ARHGEF4: variants seen among roughly 807,000 people sequenced by gnomAD.
ARHGEF4 encodes the protein APC-stimulated guanine nucleotide exchange factor 1.
Under a neutral mutation model 162.0 loss-of-function variants are expected in ARHGEF4, and 119 were observed. The observed-to-expected ratio is 0.73, with a 90% CI of 0.63 to 0.86. The LOEUF is 0.86. Among genes scored for constraint, ARHGEF4 ranks in the 40% least tolerant of loss-of-function variants. ARHGEF4 has a pLI of 0.00. For missense variants in ARHGEF4, 2,488 were observed against 2,456.0 expected (o/e 1.01, Z -0.28); for synonymous variants, 1,014 against 979.9 (o/e 1.03, Z -0.65).
At chr2:130,957,206 C>A (rs112789832) in intron 4 of ARHGEF4, among the ~76,000 whole-genome samples, 8,462 of 150,676 alleles carry the variant, frequency 0.056, 362 homozygotes, top group Non-Finnish European at 0.081. Flanking sequence ...TTCACAAACT[C>A]TTCCAAAAAG....
At chr2:130,968,221 G>A (rs1338076716) in intron 4 of ARHGEF4, among the ~76,000 whole-genome samples, 6 of 152,200 alleles carry the variant, frequency 3.9e-5, no homozygotes, top group Non-Finnish European at 7.3e-5. Context: ...GATCTTGTAG[G>A]AGCCGGTCAA....
chr2:131,042,049 G>A lies in ARHGEF4; in HGVS notation c.5025+105G>A, dbSNP rs547101355. 23 of 1,428,800 alleles carry A rather than the reference G, an allele frequency of 1.6e-5. No homozygotes were observed. In the East Asian group the frequency reaches 2.0e-4, roughly 12 times the overall value. 88.5% of individuals were successfully genotyped at this position (1,428,800 alleles called of 1,614,324 possible). The stretch of plus-strand genomic sequence containing the variant: ...GAAGGGAGCTGAAGCAGGGAGCTGC[G>A]CTCCTGGGAGCTAGCAACAGATGCT... On this transcript the variant is annotated intron_variant, in intron 10 of 13. Transcript: ENST00000409359.
intron 4 of ARHGEF4, chr2:130,964,104 T>C (rs1684824960): frequency 1.1e-6 from 1 of 921,606 alleles, no homozygotes; most frequent in African/African-American, 1.8e-5. Flanking sequence ...ATCTCGGCAC[T>C]AGCAGCAGCA....
chr2:130,961,658 A>G (rs1448370186), intron 4 of ARHGEF4, among the ~76,000 whole-genome samples: 1 of 152,194 alleles, frequency 6.6e-6, no homozygotes, highest in Non-Finnish European at 1.5e-5. Flanking sequence ...TCAGTGGGTG[A>G]CACTGACGCT....
chr2:130,842,776 G>A (rs892138444), intron 1 of ARHGEF4, among the ~76,000 whole-genome samples: 4 of 152,242 alleles, frequency 2.6e-5, no homozygotes, highest in Admixed American at 6.5e-5. Flanking sequence ...TCTCTTACCC[G>A]CAGGGATCCT....
intron 4 of ARHGEF4, among the ~76,000 whole-genome samples, chr2:130,996,578 A>G (rs1251029960): frequency 6.6e-6 from 1 of 152,198 alleles, no homozygotes; most frequent in African/African-American, 2.4e-5. Flanking sequence ...TCAACTGTCT[A>G]CTGGCACAAT....
intron 4 of ARHGEF4, among the ~76,000 whole-genome samples, chr2:130,976,271 G>T (rs753385681): frequency 6.6e-6 from 1 of 152,070 alleles, no homozygotes; most frequent in Non-Finnish European, 1.5e-5. Context: ...GTTAAACATC[G>T]CAGAGCCTAG....
At chr2:130,926,810 A>ATT (rs55904944) in intron 2 of ARHGEF4, among the ~76,000 whole-genome samples, 3,026 of 48,518 alleles carry the variant, frequency 0.062, 784 homozygotes, top group Non-Finnish European at 0.079. Context: ...CTTCTGGCTG[A>ATT]TTTTTTTTTT....
chr2:130,867,734 AT>A (rs1287399501), intron 1 of ARHGEF4, among the ~76,000 whole-genome samples: 1 of 151,910 alleles, frequency 6.6e-6, no homozygotes, highest in African/African-American at 2.4e-5. Flanking sequence ...CTGTGCCCTC[AT>A]GCCCACTTCC....
At chr2:131,000,401 G>GT (rs1687689119) in intron 4 of ARHGEF4, among the ~76,000 whole-genome samples, 2 of 152,024 alleles carry the variant, frequency 1.3e-5, no homozygotes, top group Non-Finnish European at 2.9e-5. Context: ...GACTTTTTTT[G>GT]TTGTGTTTCT....
chr2:130,851,589 G>T (rs1681420154), intron 1 of ARHGEF4, among the ~76,000 whole-genome samples: 1 of 152,222 alleles, frequency 6.6e-6, no homozygotes, highest in South Asian at 2.1e-4. Context: ...GAGTGGACGG[G>T]CTGGGGGGGC....
At position 130,916,932 on chromosome 2, in the gene ARHGEF4, G is replaced by A. The variant is rs1327503558; in HGVS notation, c.2986G>A (p.Glu996Lys). ...CTGTGAGGAACGGGCGGAGGACAAA[G>A]AGGGCTATGTTTTTAGCGATCACTG... The part of the protein sequence containing the change: ...SHCEERAEDK[E>K]GYVFSDHWAP... The change falls in exon 2 of 14, where the codon GAG becomes AAG. Residue 996 changes from glutamate to lysine, a missense_variant. Physicochemically the swap from Glu to Lys is moderately conservative, Grantham distance 56 (BLOSUM62 1). Transcript: ENST00000409359. The A allele has an allele frequency of 6.4e-7, 1 of 1,550,592 alleles. No homozygotes were observed. The highest frequency in any genetic ancestry group is 8.7e-7 in the Non-Finnish European group (1 of 1,147,042).
At chr2:130,854,437 G>A (rs1459074430) in intron 1 of ARHGEF4, among the ~76,000 whole-genome samples, 1 of 152,210 alleles carries the variant, frequency 6.6e-6, no homozygotes, top group East Asian at 1.9e-4. Context: ...AGAAGACGGG[G>A]CTGTCACTCC....
chr2:131,019,854 T>C (rs1688995979), intron 4 of ARHGEF4, among the ~76,000 whole-genome samples: 1 of 152,140 alleles, frequency 6.6e-6, no homozygotes, highest in Non-Finnish European at 1.5e-5. Context: ...CAGGATGGTC[T>C]CGATTTCCTG....
At chr2:131,044,246 G>A (rs929960668) in intron 11 of ARHGEF4, 53 bp from the exon 12 acceptor site, 12 of 1,598,208 alleles carry the variant, frequency 7.5e-6, no homozygotes, top group African/African-American at 1.3e-5. Context: ...GAGCAGCCAG[G>A]AAATGGTCAG....
intron 4 of ARHGEF4, among the ~76,000 whole-genome samples, chr2:130,995,872 T>TAA (rs1387933795): frequency 6.6e-6 from 1 of 151,098 alleles, no homozygotes; most frequent in Non-Finnish European, 1.5e-5. Flanking sequence ...TTGAAGTTAT[T>TAA]AAAAGTATTA....
intron 1 of ARHGEF4, among the ~76,000 whole-genome samples, chr2:130,849,223 G>C (rs1681215801): frequency 6.6e-6 from 1 of 152,248 alleles, no homozygotes; most frequent in African/African-American, 2.4e-5. Context: ...TAACGGGAGA[G>C]TGATGAAAAA....
chr2:130,974,347 AT>A (rs944919809), intron 4 of ARHGEF4, among the ~76,000 whole-genome samples: 3 of 151,828 alleles, frequency 2.0e-5, no homozygotes, highest in African/African-American at 7.3e-5. Context: ...AGTGACAATA[AT>A]TTTTTTTCCT....
chr2:130,854,625 G>T (rs1681630623), intron 1 of ARHGEF4, among the ~76,000 whole-genome samples: 1 of 152,210 alleles, frequency 6.6e-6, no homozygotes, highest in African/African-American at 2.4e-5. Flanking sequence ...AGCACAGCAG[G>T]CTGGCCCCAG....
Sources: gnomAD v4.1 joint callset for allele counts (sites outside exome capture counted in the v4.1 genomes callset) on GRCh38, gnomAD v4.1.1 for gene constraint, MANE v1.5 for transcripts, NCBI Gene and HGNC (gene_info 2026-07-23, HGNC 2026-07-21) for gene names.